The following RASEF variants were observed in gnomAD, a reference collection of about 807,000 sequenced individuals.
The protein encoded by RASEF is ras and EF-hand domain-containing protein.
A neutral mutation model predicts 90.1 loss-of-function variants in RASEF; 68 were observed. The ratio of observed to expected loss-of-function variants is 0.75; its 90% CI spans 0.62 to 0.92. RASEF has a LOEUF of 0.92. RASEF is among the 40% of genes least tolerant of loss of function. The probability of loss-of-function intolerance (pLI) is 0.00; values close to 1 mark genes in which losing one functional copy is unlikely to be tolerated. For missense variants in RASEF, 949 were observed against 937.2 expected (o/e 1.01, Z -0.16); for synonymous variants, 331 against 345.2 (o/e 0.96, Z 0.46).
the RASEF span, among the ~76,000 whole-genome samples, chr9:83,149,599 G>T: frequency 6.6e-6 from 1 of 152,154 alleles, no homozygotes; most frequent in Non-Finnish European, 1.5e-5. Flanking sequence ...ACTGTGCATG[G>T]CCTGAGAGGC....
the RASEF span, among the ~76,000 whole-genome samples, chr9:83,094,309 C>T: frequency 1.4e-5 from 2 of 146,906 alleles, no homozygotes; most frequent in South Asian, 4.2e-4. Flanking sequence ...ACACTTAGTA[C>T]AAAAAAAGCT....
the RASEF span, among the ~76,000 whole-genome samples, chr9:83,172,922 T>C: frequency 1.2e-4 from 19 of 152,002 alleles, no homozygotes; most frequent in Admixed American, 1.1e-3. Flanking sequence ...GAGCTCTCTT[T>C]AGCATTTCTT....
the RASEF span, among the ~76,000 whole-genome samples, chr9:83,145,096 T>C: frequency 6.6e-6 from 1 of 152,312 alleles, no homozygotes; most frequent in East Asian, 1.9e-4. Context: ...TCAAGGAATC[T>C]TTGGAGGTGC....
intron 1 of RASEF, among the ~76,000 whole-genome samples, chr9:83,049,528 C>CCTT (rs1830001275): frequency 1.4e-5 from 1 of 73,520 alleles, no homozygotes; most frequent in Non-Finnish European, 2.7e-5. Flanking sequence ...TTTCTGCCTT[C>CCTT]CTTTTTTTTT....
At chr9:83,169,350 TACACACAC>T in the RASEF span, among the ~76,000 whole-genome samples, 24,968 of 145,892 alleles carry the variant, frequency 0.17, 2,125 homozygotes, top group African/African-American at 0.19. Flanking sequence ...CTGATTTCCA[TACACACAC>T]ACACACACAC....
chr9:83,048,822 T>C (rs1031035327), intron 1 of RASEF: 1 of 919,338 alleles, frequency 1.1e-6, no homozygotes, highest in Admixed American at 6.2e-5. Flanking sequence ...GATTAACATG[T>C]AGACCTTATT....
chr9:83,082,927 T>C, the RASEF span, among the ~76,000 whole-genome samples: 6 of 152,162 alleles, frequency 3.9e-5, no homozygotes, highest in Non-Finnish European at 7.4e-5. Context: ...AAATCTAATA[T>C]AAGATCATGC....
At chr9:83,066,624 T>TGTCAGCATC (rs1208329736), upstream of RASEF, among the ~76,000 whole-genome samples, 1 of 152,220 alleles carries the variant, frequency 6.6e-6, no homozygotes, top group African/African-American at 2.4e-5. Context: ...TCAGCATGAC[T>TGTCAGCATC]TTTCGAAAGA....
chr9:83,125,667 G>GT, the RASEF span, among the ~76,000 whole-genome samples: 11 of 152,090 alleles, frequency 7.2e-5, no homozygotes, highest in African/African-American at 2.7e-4. Flanking sequence ...TAATGAAGTC[G>GT]TTTTTTATTC....
chr9:83,099,735 A>C, the RASEF span, among the ~76,000 whole-genome samples: 1 of 152,204 alleles, frequency 6.6e-6, no homozygotes. Flanking sequence ...TTGCTTGGTG[A>C]GCAGCACCTG....
chr9:83,203,873 A>G, the RASEF span, among the ~76,000 whole-genome samples: 1 of 152,168 alleles, frequency 6.6e-6, no homozygotes, highest in East Asian at 1.9e-4. Context: ...GCAGGGGTGG[A>G]AACACTCAGA....
At chr9:83,181,885 T>C in the RASEF span, among the ~76,000 whole-genome samples, 1 of 152,228 alleles carries the variant, frequency 6.6e-6, no homozygotes, top group African/African-American at 2.4e-5. Context: ...TTACACACTT[T>C]GGTAAACAAA....
chr9:83,194,674 G>C, the RASEF span, among the ~76,000 whole-genome samples: 1 of 152,170 alleles, frequency 6.6e-6, no homozygotes, highest in Non-Finnish European at 1.5e-5. Flanking sequence ...CTGTAGGAAA[G>C]ATTTATCTCT....
At chr9:83,158,648 C>T in the RASEF span, among the ~76,000 whole-genome samples, 1 of 4,230 alleles carries the variant, frequency 2.4e-4, no homozygotes, top group Non-Finnish European at 3.9e-4. Flanking sequence ...GTATATATGT[C>T]CAAATATATA....
chr9:83,022,281 C>G (rs1393733300), intron 3 of RASEF, 55 bp downstream of exon 3: 1 of 1,356,952 alleles, frequency 7.4e-7, no homozygotes, highest in Non-Finnish European at 1.1e-6. Flanking sequence ...GGGCCCTCTC[C>G]GTAGAAACCA....
At chr9:82,990,368 A>C (rs1301290798) in intron 16 of RASEF, 23 bp downstream of exon 16, 4 of 1,560,776 alleles carry the variant, frequency 2.6e-6, no homozygotes, top group Non-Finnish European at 3.5e-6. Flanking sequence ...ATTCAATCCT[A>C]CATCCATTTT....
At chr9:83,028,684 G>A (rs1008887987) in intron 1 of RASEF, among the ~76,000 whole-genome samples, 2 of 152,158 alleles carry the variant, frequency 1.3e-5, no homozygotes, top group East Asian at 1.9e-4. Flanking sequence ...ATAGTTATAC[G>A]TAGCGAGTAG....
At chr9:83,200,491 G>A in the RASEF span, among the ~76,000 whole-genome samples, 1 of 152,214 alleles carries the variant, frequency 6.6e-6, no homozygotes, top group South Asian at 2.1e-4. Flanking sequence ...GTTCAGAAAG[G>A]TCCTTTCCCA....
At chr9:83,179,439 A>G in the RASEF span, among the ~76,000 whole-genome samples, 1 of 152,296 alleles carries the variant, frequency 6.6e-6, no homozygotes, top group Non-Finnish European at 1.5e-5. Flanking sequence ...GTACCCTTTT[A>G]CACACTATTT....
Sources: gnomAD v4.1 joint callset for allele counts (sites outside exome capture counted in the v4.1 genomes callset) on GRCh38, gnomAD v4.1.1 for gene constraint, MANE v1.5 for transcripts, NCBI Gene and HGNC (gene_info 2026-07-23, HGNC 2026-07-21) for gene names.